The following MTNR1A variants were observed in gnomAD, a reference collection of about 807,000 sequenced individuals.
MTNR1A encodes melatonin receptor 1A, also known as melatonin receptor type 1A.
MTNR1A carries 7 observed loss-of-function variants against 5.5 expected under a neutral mutation model. That is an observed-to-expected ratio of 1.28 (90% CI 0.73 to 2.40). MTNR1A has a LOEUF of 2.40. Among genes scored for constraint, MTNR1A ranks in the 30% most tolerant of loss-of-function variants. The pLI is 0.00. For synonymous variants in MTNR1A, 196 were observed against 202.7 expected (o/e 0.97, Z 0.28); for missense variants, 441 against 464.4 (o/e 0.95, Z 0.46).
intron 1 of MTNR1A, among the ~76,000 whole-genome samples, chr4:186,538,886 C>T (rs1736940942): frequency 6.6e-6 from 1 of 152,108 alleles, no homozygotes; most frequent in African/African-American, 2.4e-5. Context: ...AGTTAAGGGA[C>T]ACTGGTAGTC....
intron 1 of MTNR1A, among the ~76,000 whole-genome samples, chr4:186,535,696 C>A (rs111922919): frequency 1.1e-3 from 174 of 152,324 alleles, no homozygotes; most frequent in African/African-American, 4.0e-3. Flanking sequence ...CAGGTGTGAG[C>A]CATTGCTCCC....
chr4:186,544,132 T>C (rs1167843689), intron 1 of MTNR1A, among the ~76,000 whole-genome samples: 1 of 152,178 alleles, frequency 6.6e-6, no homozygotes, highest in Non-Finnish European at 1.5e-5. Flanking sequence ...GCAATTCTCC[T>C]GGCTCAGCCT....
intron 1 of MTNR1A, among the ~76,000 whole-genome samples, chr4:186,542,744 G>C (rs1480166743): frequency 6.6e-6 from 1 of 152,134 alleles, no homozygotes; most frequent in East Asian, 1.9e-4. Context: ...GAAACTTTAG[G>C]TTCTGTTGGT....
intron 1 of MTNR1A, among the ~76,000 whole-genome samples, chr4:186,546,742 ACCATCCGCCTCGCTCCCTGTTCATG>A (rs1461113425): frequency 6.7e-6 from 1 of 148,528 alleles, no homozygotes; most frequent in East Asian, 2.0e-4. Context: ...CATACAACAC[ACCATCCGCCTCGCTCCCTGTTCATG>A]CCATCCACAC....
At chr4:186,536,114 G>A (rs1409198153) in intron 1 of MTNR1A, among the ~76,000 whole-genome samples, 2 of 152,156 alleles carry the variant, frequency 1.3e-5, no homozygotes, top group Non-Finnish European at 2.9e-5. Flanking sequence ...GGGAGGCCAA[G>A]GTGGGTGGAT....
At chr4:186,534,746 C>T (rs61686991) in intron 1 of MTNR1A, among the ~76,000 whole-genome samples, 189 bp from the exon 2 acceptor site, 5,257 of 152,220 alleles carry the variant, frequency 0.035, 111 homozygotes, top group East Asian at 0.07. Flanking sequence ...ACATCGAATC[C>T]GCTGTTCACA....
intron 1 of MTNR1A, among the ~76,000 whole-genome samples, chr4:186,535,712 C>T (rs1298615210): frequency 2.6e-5 from 4 of 152,210 alleles, no homozygotes; most frequent in Non-Finnish European, 5.9e-5. Flanking sequence ...CTCCCAGCTA[C>T]ATTAGTCAAA....
intron 1 of MTNR1A, among the ~76,000 whole-genome samples, chr4:186,546,179 C>T (rs937949595): frequency 7.9e-5 from 12 of 152,158 alleles, no homozygotes; most frequent in Non-Finnish European, 1.3e-4. Context: ...ATTATTCACT[C>T]ATGTCTTATT....
chr4:186,554,606 T>C (rs1213673257), intron 1 of MTNR1A, among the ~76,000 whole-genome samples: 1 of 152,222 alleles, frequency 6.6e-6, no homozygotes, highest in African/African-American at 2.4e-5. Flanking sequence ...CCTGGCTACC[T>C]GCCTACTCTA....
At chr4:186,544,575 T>G (rs13140444) in intron 1 of MTNR1A, among the ~76,000 whole-genome samples, 1 of 152,012 alleles carries the variant, frequency 6.6e-6, no homozygotes. Flanking sequence ...CTGTGCAAAG[T>G]GTGGACCCTG....
chr4:186,554,850 C>G (rs935936183), intron 1 of MTNR1A, among the ~76,000 whole-genome samples: 7 of 152,202 alleles, frequency 4.6e-5, no homozygotes, highest in Non-Finnish European at 1.0e-4. Flanking sequence ...TTGATCAGTT[C>G]GTTGCAGAGG....
intron 1 of MTNR1A, among the ~76,000 whole-genome samples, chr4:186,539,927 T>C (rs1441494909): frequency 1.3e-5 from 2 of 152,184 alleles, no homozygotes; most frequent in South Asian, 4.1e-4. Context: ...TATTAGTCCA[T>C]TCTCATGCTG....
At chr4:186,547,712 A>G (rs1395816672) in intron 1 of MTNR1A, among the ~76,000 whole-genome samples, 1 of 152,264 alleles carries the variant, frequency 6.6e-6, no homozygotes, top group Non-Finnish European at 1.5e-5. Context: ...ACTGCTTTCT[A>G]TTATACACGG....
chr4:186,551,055 G>A (rs989327075), intron 1 of MTNR1A, among the ~76,000 whole-genome samples: 5 of 152,162 alleles, frequency 3.3e-5, no homozygotes, highest in South Asian at 4.1e-4. Context: ...CTACAGCAGC[G>A]CCAACAAGAA....
chr4:186,554,939 T>G (rs1468281423), intron 1 of MTNR1A, among the ~76,000 whole-genome samples: 3 of 152,250 alleles, frequency 2.0e-5, no homozygotes, highest in South Asian at 4.1e-4. Context: ...CAGACGGGGG[T>G]GTCCCCATAG....
chr4:186,549,587 C>A (rs900580418), intron 1 of MTNR1A, among the ~76,000 whole-genome samples: 2 of 152,202 alleles, frequency 1.3e-5, no homozygotes, highest in African/African-American at 4.8e-5. Flanking sequence ...TACCATCTAC[C>A]AGCCAACTTT....
chr4:186,550,706 T>C (rs1241813992), intron 1 of MTNR1A, among the ~76,000 whole-genome samples: 1 of 152,230 alleles, frequency 6.6e-6, no homozygotes, highest in Non-Finnish European at 1.5e-5. Context: ...AAGTAAGCTC[T>C]ATCTTATCTG....
Position 186,555,101 on chromosome 4 carries a change from A to G in MTNR1A, c.184+81T>C. The G allele has an allele frequency of 7.1e-7, 1 of 1,414,000 alleles. No individual in the cohort carries two copies. The highest frequency in any genetic ancestry group is 9.8e-7 in the Non-Finnish European group (1 of 1,024,042). 87.6% of individuals were successfully genotyped at this position (1,414,000 alleles called of 1,614,324 possible). On this transcript the variant is annotated intron_variant, in intron 1 of 1. Transcript: ENST00000307161. The surrounding 1 kb of genome is among the most constrained non-coding windows in gnomAD (Gnocchi z 4.1). ...TCCGCAGTGTTTAGGAAAAAGAACC[A>G]AGTGCTTGGGGAAGGCTGGCTGCCC... is the stretch of plus-strand genomic sequence containing the variant.
rs1353916993 is a variant in MTNR1A at position 186,534,321 on chromosome 4, T to C, written c.421A>G (p.Ser141Gly). 6.2e-7 allele frequency: 1 copy of C among 1,614,144 alleles called. No individual in the cohort carries two copies. The change falls in exon 2 of 2, where the codon AGC becomes GGC. Residue 141 changes from serine (S) to glycine (G), a missense_variant. Transcript: ENST00000307161. ...HSLKYDKLYS[S>G]KNSLCYVLLI... ...AGCACGTAGCAGAGGGAGTTCTTGCTGCTGTACAGTTTGTCGTACTTGAGA... is the reference window on the plus strand; with the variant it reads ...AGCACGTAGCAGAGGGAGTTCTTGCCGCTGTACAGTTTGTCGTACTTGAGA...
Sources: gnomAD v4.1 joint callset for allele counts (sites outside exome capture counted in the v4.1 genomes callset) on GRCh38, gnomAD v4.1.1 for gene constraint, Gnocchi (gnomAD v3.1) non-coding constraint, MANE v1.5 for transcripts, NCBI Gene and HGNC (gene_info 2026-07-23, HGNC 2026-07-21) for gene names.